The following SPC25 variants were observed in gnomAD, a reference collection of about 807,000 sequenced individuals.
The protein encoded by SPC25 is SPC25 component of NDC80 kinetochore complex.
Under a neutral mutation model 29.6 loss-of-function variants are expected in SPC25, and 22 were observed. The observed-to-expected ratio is 0.74, with a 90% CI of 0.53 to 1.06. The LOEUF (loss-of-function observed/expected upper bound fraction) is 1.06, where lower values mean the gene tolerates loss of function less well. Among genes scored for constraint, SPC25 ranks in the 50% least tolerant of loss-of-function variants. The probability of loss-of-function intolerance (pLI) is 0.00; values close to 1 mark genes in which losing one functional copy is unlikely to be tolerated. For missense variants in SPC25, 230 were observed against 255.8 expected (o/e 0.90, Z 0.69); for synonymous variants, 91 against 90.4 (o/e 1.01, Z -0.04).
At chr2:168,875,769 A>C (rs956116216) in intron 5 of SPC25, among the ~76,000 whole-genome samples, 1 of 152,154 alleles carries the variant, frequency 6.6e-6, no homozygotes, top group African/African-American at 2.4e-5. Context: ...ACTACTTAAA[A>C]ATTACCATTA....
chr2:168,887,966 T>C (rs1024493933), intron 3 of SPC25, among the ~76,000 whole-genome samples: 3 of 152,140 alleles, frequency 2.0e-5, no homozygotes, highest in African/African-American at 7.2e-5. Flanking sequence ...GAGAATGCCA[T>C]TTATATAACA....
chr2:168,868,114 T>C (rs559441779), downstream of SPC25, among the ~76,000 whole-genome samples: 24 of 152,248 alleles, frequency 1.6e-4, no homozygotes, highest in African/African-American at 5.3e-4. Flanking sequence ...ACTGGGTACA[T>C]AACGAAATGA....
In SPC25 at chr2:168,876,165, C is replaced by T. The variant is rs1168036953; in HGVS notation, c.358G>A (p.Ala120Thr). 1 of 1,560,222 alleles carries T rather than the reference C, an allele frequency of 6.4e-7. No individual in the cohort carries two copies. Among genetic ancestry groups the T allele is most frequent in the Non-Finnish European group, 8.6e-7 (1 of 1,161,112 alleles). The part of the protein sequence containing the change: ...YSRKKETIST[A>T]NKANAERLKR... The stretch of plus-strand genomic sequence containing the variant: ...AACCTCTCTGCATTCGCTTTATTAG[C>T]AGTAGAAATAGCTGATTAAAAAACA... The change falls in exon 5 of 7, where the codon GCT becomes ACT. Residue 120 changes from alanine (A) to threonine (T), a missense_variant. By Grantham distance (58) the Ala-to-Thr change is moderately conservative (BLOSUM62 0). Coordinates refer to ENST00000282074, the MANE Select transcript of SPC25 (RefSeq NM_020675.4).
Position 168,871,270 on chromosome 2 carries a change from G to A in SPC25, c.*161C>T. On this transcript the variant is annotated 3_prime_UTR_variant, in exon 7 of 7. Transcript: ENST00000282074. ...TACCTAATGAAATGACGAGTTAATG[G>A]GTGCAGCACACCAATATGGCACATG... The A allele has an allele frequency of 1.9e-6, 1 of 514,640 alleles. No individual in the cohort carries two copies. Among genetic ancestry groups the A allele is most frequent in the Admixed American group, 4.1e-5 (1 of 24,258 alleles). The allele number at this position is 514,640 out of a possible 1,614,324, so 31.9% of individuals were successfully genotyped here.
At chr2:168,861,859 T>C in intron 4 of SPC25, 1 of 1,047,186 alleles carries the variant, frequency 9.5e-7, no homozygotes, top group Non-Finnish European at 1.4e-6. Context: ...AAATTTAATA[T>C]ATTGAAACTC....
Position 168,889,254 on chromosome 2 carries a change from C to T in SPC25, c.171G>A (p.Met57Ile). The T allele has an allele frequency of 5.0e-6, 8 of 1,613,576 alleles. No individual in the cohort carries two copies. The highest frequency in any genetic ancestry group is 6.8e-6 in the Non-Finnish European group (8 of 1,179,922). Residue 57 changes from methionine (M) to isoleucine (I), a missense_variant, in exon 3 of 7, where the codon ATG (methionine) becomes ATA (isoleucine). Coordinates refer to ENST00000282074, the MANE Select transcript of SPC25 (RefSeq NM_020675.4). ...TTTGATATTCCAGAAACATCTCAAC[C>T]ATTCGTTCTTCTTCCTTTAATTTCA... is the stretch of plus-strand genomic sequence containing the variant. Reference protein sequence around the residue: ...LSVKLKEEERMVEMFLEYQNQ... With the variant: ...LSVKLKEEERIVEMFLEYQNQ...
intron 3 of SPC25, among the ~76,000 whole-genome samples, chr2:168,884,566 C>T (rs1471871028): frequency 6.6e-6 from 1 of 152,184 alleles, no homozygotes; most frequent in Non-Finnish European, 1.5e-5. Flanking sequence ...TCAATCTTTA[C>T]CTTACTGGAT....
chr2:168,870,689 T>C (rs1365744323), downstream of SPC25, among the ~76,000 whole-genome samples: 7 of 151,214 alleles, frequency 4.6e-5, no homozygotes, highest in Admixed American at 1.3e-4. Context: ...ATGGCAATCA[T>C]TAAAAAGTCA....
At chr2:168,874,433 T>A (rs977093443) in intron 5 of SPC25, among the ~76,000 whole-genome samples, 1 of 152,150 alleles carries the variant, frequency 6.6e-6, no homozygotes, top group Non-Finnish European at 1.5e-5. Context: ...TATGCCAATG[T>A]TCATAGCAGC....
At chr2:168,885,939 C>A (rs778038229) in intron 3 of SPC25, among the ~76,000 whole-genome samples, 1 of 151,914 alleles carries the variant, frequency 6.6e-6, no homozygotes, top group East Asian at 1.9e-4. Context: ...ACATGGTATA[C>A]AAGGTAATGG....
At chr2:168,888,014 C>G (rs1451209877) in intron 3 of SPC25, among the ~76,000 whole-genome samples, 1 of 152,166 alleles carries the variant, frequency 6.6e-6, no homozygotes. Flanking sequence ...CATGGTGGCT[C>G]ACACCCGAAA....
rs141806587 is a variant in SPC25 at position 168,881,369 on chromosome 2, C to T, written c.200-3985G>A. Among the ~76,000 whole-genome samples the T allele has an allele frequency of 5.0e-3, 759 of 152,298 alleles. 4 individuals carry two copies. Among genetic ancestry groups the T allele is most frequent in the Admixed American group, 8.9e-3 (136 of 15,294 alleles). ...ATGCCTGTGCATAAACCTGGCCAAA[C>T]CTCTCTGCTGGGAAAGGAGTAACCC... On this transcript the variant is annotated intron_variant, in intron 3 of 6. Coordinates refer to ENST00000282074, the MANE Select transcript of SPC25 (RefSeq NM_020675.4).
chr2:168,864,576 C>A (rs372577955), intron 4 of SPC25, among the ~76,000 whole-genome samples: 3 of 152,246 alleles, frequency 2.0e-5, no homozygotes, highest in African/African-American at 7.2e-5. Context: ...TCACCCACCA[C>A]GCCCAGCCAA....
At chr2:168,886,143 T>G (rs1690258480) in intron 3 of SPC25, among the ~76,000 whole-genome samples, 1 of 144,448 alleles carries the variant, frequency 6.9e-6, no homozygotes, top group African/African-American at 2.6e-5. Flanking sequence ...AACCTCAATC[T>G]CCTGGGCTCA....
intron 3 of SPC25, among the ~76,000 whole-genome samples, chr2:168,877,906 C>A (rs1690116304): frequency 6.6e-6 from 1 of 151,668 alleles, no homozygotes; most frequent in African/African-American, 2.4e-5. Flanking sequence ...ACTATGTTGC[C>A]CAGGCTAGTC....
intron 5 of SPC25, among the ~76,000 whole-genome samples, chr2:168,875,617 C>T (rs568965010): frequency 6.6e-6 from 1 of 151,994 alleles, no homozygotes; most frequent in African/African-American, 2.4e-5. Context: ...GTAACAGAAA[C>T]CGTGAATAAG....
chr2:168,874,078 A>G (rs887794546), intron 5 of SPC25, among the ~76,000 whole-genome samples: 2 of 152,166 alleles, frequency 1.3e-5, no homozygotes, highest in African/African-American at 4.8e-5. Context: ...AAAATCTGAA[A>G]GGACATTTCT....
At position 168,876,275 on chromosome 2, in the gene SPC25, G is replaced by A; in HGVS notation, c.347-99C>T. 9 of 834,048 alleles carry A rather than the reference G, an allele frequency of 1.1e-5. No individual in the cohort carries two copies. In the South Asian group the frequency reaches 1.9e-4, roughly 18 times the overall value. The allele number at this position is 834,048 out of a possible 1,614,324, so 51.7% of individuals were successfully genotyped here. ...AACTTAAAATCAACTATAAAATGAT[G>A]CCAAGCCTATAAATCTGCTTCCATT... is the stretch of plus-strand genomic sequence containing the variant. On this transcript the variant is annotated intron_variant, in intron 4 of 6. Coordinates refer to ENST00000282074, the MANE Select transcript of SPC25 (RefSeq NM_020675.4).
intron 3 of SPC25, among the ~76,000 whole-genome samples, chr2:168,882,933 A>G (rs571156692): frequency 3.8e-4 from 58 of 152,302 alleles, no homozygotes; most frequent in African/African-American, 1.4e-3. Flanking sequence ...GGAATGCAAA[A>G]TGCTAGGGTC....
Sources: gnomAD v4.1 joint callset for allele counts (sites outside exome capture counted in the v4.1 genomes callset) on GRCh38, gnomAD v4.1.1 for gene constraint, MANE v1.5 for transcripts, NCBI Gene and HGNC (gene_info 2026-07-23, HGNC 2026-07-21) for gene names.